Variants in TENM3 observed in about 807,000 individuals in gnomAD.
The protein encoded by TENM3 is teneurin transmembrane protein 3, also known as teneurin-3.
In TENM3, 63 loss-of-function variants were observed where a neutral mutation model predicts 255.1. That is an observed-to-expected ratio of 0.25 (90% CI 0.20 to 0.30). The LOEUF is 0.30. Ranked by LOEUF, TENM3 falls within the 10% of genes least tolerant of loss-of-function variation. The pLI is 1.00. For missense variants in TENM3, 2,929 were observed against 3,461.1 expected, an observed-to-expected ratio of 0.85 and a Z score of 3.86; for synonymous variants, 1,306 against 1,322.3, an observed-to-expected ratio of 0.99 and a Z score of 0.27.
the TENM3 span, among the ~76,000 whole-genome samples, chr4:181,613,594 A>T: frequency 6.6e-6 from 1 of 152,188 alleles, no homozygotes; most frequent in African/African-American, 2.4e-5. Flanking sequence ...CTGACTTTGT[A>T]TTATGTCTCT....
chr4:182,027,415 G>A, the TENM3 span, among the ~76,000 whole-genome samples: 43 of 152,018 alleles, frequency 2.8e-4, no homozygotes, highest in African/African-American at 9.2e-4. Flanking sequence ...CATATCATCC[G>A]CAAACAAGGA....
the TENM3 span, among the ~76,000 whole-genome samples, chr4:181,601,093 G>A: frequency 2.0e-5 from 3 of 152,230 alleles, no homozygotes; most frequent in Admixed American, 1.3e-4. Flanking sequence ...GGTGCACATC[G>A]GCAAGAATTT....
chr4:181,477,728 T>A, the TENM3 span, among the ~76,000 whole-genome samples: 3 of 152,198 alleles, frequency 2.0e-5, no homozygotes, highest in Non-Finnish European at 2.9e-5. Flanking sequence ...AAAATTGGGA[T>A]CCAACTAATT....
chr4:181,605,538 GAAAGAAAGAAAGAAAGAAAGAA>G, the TENM3 span, among the ~76,000 whole-genome samples: 4 of 22,456 alleles, frequency 1.8e-4, no homozygotes, highest in Admixed American at 6.3e-4. Flanking sequence ...AAGAAAGAAA[GAAAGAAAGAAAGAAAGAAAGAA>G]AGAAAGAAAG....
At position 182,754,355 on chromosome 4, in the gene TENM3, A is replaced by G; in HGVS notation, c.4018-30A>G. 1 of 1,538,454 alleles carries G rather than the reference A, an allele frequency of 6.5e-7. No homozygotes were observed. On this transcript the variant is annotated intron_variant, in intron 21 of 27. Transcript: ENST00000511685. The surrounding 1 kb of genome is among the most constrained non-coding windows in gnomAD (Gnocchi z 5.1). ...CGAATTAACTGTAGTGCAGTAACTT[A>G]CTAACCAGGCCATTTCTTTTTTTAT...
chr4:181,574,487 T>A, the TENM3 span, among the ~76,000 whole-genome samples: 1 of 150,904 alleles, frequency 6.6e-6, no homozygotes, highest in Non-Finnish European at 1.5e-5. Flanking sequence ...GCCGAGATCG[T>A]GCCACTGCAG....
chr4:181,588,029 C>T, the TENM3 span, among the ~76,000 whole-genome samples: 1 of 152,036 alleles, frequency 6.6e-6, no homozygotes, highest in Non-Finnish European at 1.5e-5. Flanking sequence ...GGAAGTGAGC[C>T]GCCATCTGCA....
At chr4:181,692,624 T>C in the TENM3 span, among the ~76,000 whole-genome samples, 1 of 152,194 alleles carries the variant, frequency 6.6e-6, no homozygotes, top group Non-Finnish European at 1.5e-5. Context: ...TGTCCTTGTA[T>C]GCATAGACAC....
intron 16 of TENM3, among the ~76,000 whole-genome samples, chr4:182,736,509 T>A (rs1043112106): frequency 2.0e-5 from 3 of 152,220 alleles, no homozygotes; most frequent in Admixed American, 6.5e-5. Context: ...CGAGGTATGA[T>A]TAACTCAGAA....
rs761052824 is a variant in TENM3, at chr4:182,346,832, G to T, written c.414G>T (p.Gly138=). The T allele has an allele frequency of 1.1e-5, 17 of 1,613,184 alleles. No individual in the cohort carries two copies. Among genetic ancestry groups the T allele is most frequent in the Admixed American group, 1.0e-4 (6 of 59,916 alleles). Residue 138 remains glycine (G), a synonymous_variant, in exon 3 of 28, where the codon GGG becomes GGT. Coordinates refer to ENST00000511685, the MANE Select transcript of TENM3 (RefSeq NM_001080477.4). ...ATGCCATGAGACTTTGGGGCAGGGGGGTCAAATCAGGCCGCAGCTCCTGCC... is the reference window on the plus strand; with the variant it reads ...ATGCCATGAGACTTTGGGGCAGGGGTGTCAAATCAGGCCGCAGCTCCTGCC... ...PEHAMRLWGR[G]VKSGRSSCLS...
the TENM3 span, among the ~76,000 whole-genome samples, chr4:182,107,482 G>C: frequency 6.6e-6 from 1 of 152,144 alleles, no homozygotes; most frequent in Admixed American, 6.5e-5. Flanking sequence ...TGCATTCCTG[G>C]CACATTCGAC....
the TENM3 span, among the ~76,000 whole-genome samples, chr4:181,686,809 C>A: frequency 6.6e-6 from 1 of 152,020 alleles, no homozygotes; most frequent in Non-Finnish European, 1.5e-5. Flanking sequence ...TAATAGACTC[C>A]TGTTGGCCAT....
At chr4:182,487,291 A>G (rs556967998) in intron 3 of TENM3, among the ~76,000 whole-genome samples, 2 of 152,274 alleles carry the variant, frequency 1.3e-5, no homozygotes, top group East Asian at 3.9e-4. Context: ...GAAACTGGTG[A>G]TTATTATGGT....
the TENM3 span, among the ~76,000 whole-genome samples, chr4:181,680,974 A>T: frequency 6.6e-6 from 1 of 152,242 alleles, no homozygotes; most frequent in Non-Finnish European, 1.5e-5. Context: ...TAGAAGATAA[A>T]CTGAACATTA....
At chr4:182,588,165 C>T (rs948912505) in intron 3 of TENM3, among the ~76,000 whole-genome samples, 18 of 152,238 alleles carry the variant, frequency 1.2e-4, no homozygotes, top group African/African-American at 4.1e-4. Flanking sequence ...TGAAAAACTT[C>T]AGACTTCATT....
the TENM3 span, among the ~76,000 whole-genome samples, chr4:182,107,524 G>C: frequency 6.6e-6 from 1 of 152,184 alleles, no homozygotes; most frequent in Non-Finnish European, 1.5e-5. Flanking sequence ...GCGAAAAGTG[G>C]GGGGACATTG....
the TENM3 span, among the ~76,000 whole-genome samples, chr4:182,088,649 A>G: frequency 1.3e-4 from 20 of 152,238 alleles, no homozygotes; most frequent in Admixed American, 1.1e-3. Flanking sequence ...CCCGGCTACC[A>G]TGGTGAAACC....
At chr4:182,442,877 CACATAT>C (rs774477427) in intron 3 of TENM3, among the ~76,000 whole-genome samples, 13 of 131,458 alleles carry the variant, frequency 9.9e-5, no homozygotes, top group Non-Finnish European at 1.6e-4. Flanking sequence ...CACACACACA[CACATAT>C]ATATATATAT....
At chr4:182,606,245 C>T (rs890096550) in intron 4 of TENM3, among the ~76,000 whole-genome samples, 25 of 152,122 alleles carry the variant, frequency 1.6e-4, no homozygotes, top group African/African-American at 2.7e-4. Flanking sequence ...GGTAGCAGGC[C>T]GGGCGTGGTG....
Sources: allele counts gnomAD v4.1 joint callset (sites outside exome capture counted in the v4.1 genomes callset), GRCh38; gene constraint gnomAD v4.1.1; non-coding constraint Gnocchi (gnomAD v3.1); transcripts MANE v1.5; gene names NCBI Gene and HGNC (gene_info 2026-07-23, HGNC 2026-07-21).